The following B3GALT1 variants were observed in gnomAD, a reference collection of about 807,000 sequenced individuals.
B3GALT1 encodes the protein beta-1,3-galactosyltransferase 1.
B3GALT1 carries 10 observed loss-of-function variants against 23.2 expected under a neutral mutation model. The observed-to-expected ratio is 0.43, with a 90% CI of 0.27 to 0.73. The LOEUF is 0.73. Among genes scored for constraint, B3GALT1 ranks in the 30% least tolerant of loss-of-function variants. The pLI, the probability that B3GALT1 is intolerant of heterozygous loss-of-function variation, is 0.21. For synonymous variants in B3GALT1, 156 were observed against 141.5 expected, an observed-to-expected ratio of 1.10 and a Z score of -0.73; for missense variants, 299 against 405.4, an observed-to-expected ratio of 0.74 and a Z score of 2.25.
At chr2:167,467,672 G>A (rs1207484330) in intron 1 of B3GALT1, among the ~76,000 whole-genome samples, 2 of 152,104 alleles carry the variant, frequency 1.3e-5, no homozygotes, top group African/African-American at 2.4e-5. Flanking sequence ...TGTAGAATTT[G>A]TATTTTGTTT....
At chr2:167,563,169 C>G (rs556275577) in intron 2 of B3GALT1, among the ~76,000 whole-genome samples, 8 of 152,114 alleles carry the variant, frequency 5.3e-5, no homozygotes, top group African/African-American at 1.9e-4. Context: ...GCTGGGCACA[C>G]CTCCCAGACA....
chr2:167,793,272 G>A (rs1169463360), intron 3 of B3GALT1, among the ~76,000 whole-genome samples: 1 of 152,104 alleles, frequency 6.6e-6, no homozygotes. Flanking sequence ...TTCAGATAAA[G>A]GAAGCCATTT....
chr2:167,672,098 T>A (rs1450725889), intron 3 of B3GALT1, among the ~76,000 whole-genome samples: 1 of 152,098 alleles, frequency 6.6e-6, no homozygotes, highest in Non-Finnish European at 1.5e-5. Context: ...CTGTTATTTT[T>A]AAAAAATATT....
intron 1 of B3GALT1, among the ~76,000 whole-genome samples, chr2:167,352,598 G>A (rs1323181753): frequency 6.6e-6 from 1 of 151,160 alleles, no homozygotes; most frequent in Non-Finnish European, 1.5e-5. Context: ...GCGGGTGCCT[G>A]TAGTTCCAGC....
At chr2:167,845,884 A>G (rs563593661) in intron 4 of B3GALT1, among the ~76,000 whole-genome samples, 1 of 152,228 alleles carries the variant, frequency 6.6e-6, no homozygotes, top group African/African-American at 2.4e-5. Context: ...AGAAATATTC[A>G]AGGAAATAGC....
intron 4 of B3GALT1, among the ~76,000 whole-genome samples, chr2:167,835,892 A>G (rs1179177018): frequency 6.6e-6 from 1 of 152,190 alleles, no homozygotes; most frequent in Non-Finnish European, 1.5e-5. Context: ...TTCTGCAGAC[A>G]CTACTGCTGA....
intron 2 of B3GALT1, among the ~76,000 whole-genome samples, chr2:167,619,698 A>G (rs1284854082): frequency 6.6e-6 from 1 of 152,142 alleles, no homozygotes; most frequent in Non-Finnish European, 1.5e-5. Context: ...CAAAGGTCCC[A>G]ATATAAATGG....
rs574805779 is a variant in B3GALT1, at chr2:167,809,952, G to A, written c.-351-8720G>A. 2.0e-4 allele frequency among the ~76,000 whole-genome samples: 31 copies of A among 152,302 alleles called. No homozygotes were observed. In the East Asian group the frequency reaches 2.1e-3, roughly 10 times the overall value. On this transcript the variant is annotated intron_variant, in intron 3 of 4. Transcript: ENST00000392690. ...TCCACCCAGTTCGAGCTTCCTGGCT[G>A]CTTTGTTTACCTACTCAAGTCTCAG...
intron 3 of B3GALT1, among the ~76,000 whole-genome samples, chr2:167,818,190 C>CTAAAG (rs1689035520): frequency 6.6e-6 from 1 of 152,138 alleles, no homozygotes; most frequent in Admixed American, 6.5e-5. Context: ...AAATTAGATC[C>CTAAAG]TAAAGTACAA....
intron 2 of B3GALT1, among the ~76,000 whole-genome samples, chr2:167,561,527 T>G (rs1250693893): frequency 1.3e-5 from 2 of 151,914 alleles, no homozygotes; most frequent in Non-Finnish European, 2.9e-5. Flanking sequence ...GCTGGTTTTT[T>G]GAAAGGATCA....
chr2:167,554,224 A>G (rs1284038327), intron 2 of B3GALT1, among the ~76,000 whole-genome samples: 2 of 152,236 alleles, frequency 1.3e-5, no homozygotes, highest in African/African-American at 4.8e-5. Flanking sequence ...GAGAAGATAC[A>G]GTGATAATGT....
At chr2:167,476,086 T>G (rs1699481230) in intron 1 of B3GALT1, among the ~76,000 whole-genome samples, 1 of 152,178 alleles carries the variant, frequency 6.6e-6, no homozygotes, top group African/African-American at 2.4e-5. Flanking sequence ...AACGACCCTA[T>G]TTCCAATTAG....
At chr2:167,457,875 T>C (rs1699195432) in intron 1 of B3GALT1, among the ~76,000 whole-genome samples, 1 of 152,152 alleles carries the variant, frequency 6.6e-6, no homozygotes, top group Non-Finnish European at 1.5e-5. Context: ...CTTGGGGTGC[T>C]CCCCAACAAT....
At chr2:167,566,395 A>G (rs1684167901) in intron 2 of B3GALT1, among the ~76,000 whole-genome samples, 1 of 151,966 alleles carries the variant, frequency 6.6e-6, no homozygotes, top group Non-Finnish European at 1.5e-5. Flanking sequence ...AGATATACCT[A>G]ATGCTAAATG....
At chr2:167,606,556 T>A (rs898189339) in intron 2 of B3GALT1, among the ~76,000 whole-genome samples, 2 of 152,204 alleles carry the variant, frequency 1.3e-5, no homozygotes, top group Non-Finnish European at 2.9e-5. Context: ...TCTGCTTCCA[T>A]TTACTTTTCT....
intron 1 of B3GALT1, among the ~76,000 whole-genome samples, chr2:167,381,182 C>T (rs900631846): frequency 6.6e-6 from 1 of 152,142 alleles, no homozygotes; most frequent in Non-Finnish European, 1.5e-5. Context: ...ATCCTCCCAC[C>T]TCAGCCTTCT....
chr2:167,834,079 G>C (rs1288940654), intron 4 of B3GALT1, among the ~76,000 whole-genome samples: 2 of 152,142 alleles, frequency 1.3e-5, no homozygotes, highest in Non-Finnish European at 2.9e-5. Context: ...GCACAAAATA[G>C]GGTATGCTGG....
chr2:167,563,324 C>A (rs1462626944), intron 2 of B3GALT1, among the ~76,000 whole-genome samples: 1 of 143,116 alleles, frequency 7.0e-6, no homozygotes, highest in Non-Finnish European at 1.5e-5. Flanking sequence ...GCGCCCCTCA[C>A]TTCCCGGAAG....
intron 1 of B3GALT1, among the ~76,000 whole-genome samples, chr2:167,428,018 A>G (rs1698650148): frequency 1.3e-5 from 2 of 152,210 alleles, no homozygotes; most frequent in Non-Finnish European, 2.9e-5. Flanking sequence ...AGAGTCTGCT[A>G]CCTGCTAGAA....
Sources: allele counts gnomAD v4.1 joint callset (sites outside exome capture counted in the v4.1 genomes callset), GRCh38; gene constraint gnomAD v4.1.1; transcripts MANE v1.5; gene names NCBI Gene and HGNC (gene_info 2026-07-23, HGNC 2026-07-21).